The following SLC37A1 variants were observed in gnomAD, a reference collection of about 807,000 sequenced individuals.
SLC37A1 encodes glucose-6-phosphate exchanger SLC37A1.
In SLC37A1, 49 loss-of-function variants were observed where a neutral mutation model predicts 75.3. The ratio of observed to expected loss-of-function variants is 0.65; its 90% CI spans 0.52 to 0.83. The LOEUF is 0.83. SLC37A1 is among the 40% of genes least tolerant of loss of function. The probability of loss-of-function intolerance (pLI) is 0.00; values close to 1 mark genes in which losing one functional copy is unlikely to be tolerated. For missense variants in SLC37A1, 566 were observed against 695.0 expected, an observed-to-expected ratio of 0.81 and a Z score of 2.09; for synonymous variants, 268 against 292.1, an observed-to-expected ratio of 0.92 and a Z score of 0.84.
upstream of SLC37A1, among the ~76,000 whole-genome samples, chr21:42,510,613 G>A (rs566899417): frequency 1.5e-4 from 23 of 152,124 alleles, 1 homozygote; most frequent in South Asian, 4.8e-3. Flanking sequence ...TCTAGGTGCT[G>A]CCTGCAGGAG....
rs11444113 is a variant in SLC37A1 at position 42,503,248 on chromosome 21, CT to C, written c.-179+850del. ...GGTATTACTTAAGGAAATTATACTC[CT>C]TTTTTTTTTTTTTTTTTTGAGACAA... is the stretch of plus-strand genomic sequence containing the variant. On this transcript the variant is annotated intron_variant, in intron 2 of 20. Transcript: ENST00000398341. Among the ~76,000 whole-genome samples the C allele has an allele frequency of 2.1e-3, 261 of 125,720 alleles. No individual in the cohort carries two copies. In the South Asian group the frequency reaches 0.021, roughly 10 times the overall value. The allele number at this position is 125,720 out of a possible 152,430, so 82.5% of individuals were successfully genotyped here. A position where few individuals can be genotyped will look rare whatever the true frequency, so the allele number is the denominator to read the frequency against.
chr21:42,513,880 G>A lies in SLC37A1; in HGVS notation c.-1016G>A, dbSNP rs1348281620. On this transcript the variant is annotated 5_prime_UTR_variant, in exon 1 of 20. Transcript: ENST00000352133. ...GTCGCGAGCAGGAAGCGCCCGCGGCGGCCGGGCCGGGCTGGGCTGCGGAGC... is the reference window on the plus strand; with the variant it reads ...GTCGCGAGCAGGAAGCGCCCGCGGCAGCCGGGCCGGGCTGGGCTGCGGAGC... 6.8e-6 allele frequency: 1 copy of A among 146,666 alleles called. No homozygotes were observed. Among genetic ancestry groups the A allele is most frequent in the Non-Finnish European group, 1.5e-5 (1 of 65,758 alleles). The allele number at this position is 146,666 out of a possible 1,614,324, so 9.1% of individuals were successfully genotyped here. A position where few individuals can be genotyped will look rare whatever the true frequency, so the allele number is the denominator to read the frequency against.
intron 2 of SLC37A1, among the ~76,000 whole-genome samples, chr21:42,507,354 T>C (rs890036969): frequency 1.1e-4 from 17 of 152,084 alleles, no homozygotes; most frequent in Admixed American, 2.6e-4. Context: ...CCACAGTGAG[T>C]GCTGAGGTCT....
intron 18 of SLC37A1, among the ~76,000 whole-genome samples, chr21:42,577,912 G>T (rs2056341237): frequency 6.6e-6 from 1 of 152,244 alleles, no homozygotes; most frequent in East Asian, 1.9e-4. Flanking sequence ...TGCGTTGGAA[G>T]AAAGAGACCT....
rs569301735 is a variant in SLC37A1 at position 42,517,013 on chromosome 21, C to T, written c.-178-1264C>T. Among the ~76,000 whole-genome samples, 81 of 152,296 alleles carry T rather than the reference C, an allele frequency of 5.3e-4. 1 individual carries two copies. Among genetic ancestry groups the T allele is most frequent in the African/African-American group, 1.7e-3 (72 of 41,556 alleles). Reference sequence around the variant, plus strand: ...GAAGTATTTGTGGCTGTTCATTCAACGTGAGTTTCTTGAGCACGTGGTCTG... The same window carrying T: ...GAAGTATTTGTGGCTGTTCATTCAATGTGAGTTTCTTGAGCACGTGGTCTG... On this transcript the variant is annotated intron_variant, in intron 1 of 19. Coordinates refer to ENST00000352133, the MANE Select transcript of SLC37A1 (RefSeq NM_001320537.2).
At chr21:42,566,108 G>T (rs1321969906) in intron 15 of SLC37A1, among the ~76,000 whole-genome samples, 1 of 152,220 alleles carries the variant, frequency 6.6e-6, no homozygotes, top group East Asian at 1.9e-4. Context: ...CTGGAAGTGT[G>T]CAAGCCTGGT....
intron 10 of SLC37A1, among the ~76,000 whole-genome samples, chr21:42,556,339 C>T (rs542535613): frequency 1.0e-3 from 156 of 152,302 alleles, no homozygotes; most frequent in African/African-American, 3.5e-3. Context: ...GGCGTGAGCA[C>T]GGAGTGGGTA....
intron 18 of SLC37A1, among the ~76,000 whole-genome samples, chr21:42,578,311 C>A (rs1011466828): frequency 5.3e-5 from 8 of 152,236 alleles, no homozygotes; most frequent in Non-Finnish European, 1.2e-4. Context: ...GTCATTCTTG[C>A]ATGCGTGAGC....
At chr21:42,542,325 C>G in intron 6 of SLC37A1, 79 bp from the exon 7 acceptor site, 1 of 1,293,288 alleles carries the variant, frequency 7.7e-7, no homozygotes, top group South Asian at 1.3e-5. Context: ...GTAAGTGGAG[C>G]AAGCTCTGTG....
rs71190427 is a variant in SLC37A1 at position 42,530,595 on chromosome 21, TACACACACACAC to T, written c.139-4054_139-4043del. 4.2e-3 allele frequency among the ~76,000 whole-genome samples: 435 copies of T among 103,220 alleles called. 4 individuals carry two copies. The highest frequency in any genetic ancestry group is 9.0e-3 in the East Asian group (31 of 3,436). The allele number at this position is 103,220 out of a possible 152,430, so 67.7% of individuals were successfully genotyped here. On this transcript the variant is annotated intron_variant, in intron 3 of 19. Transcript: ENST00000352133. ...TAGACAGATCGTCAAATGCAGATGATACACACACACACACACACACACACACACACACACACA... is the reference window on the plus strand; with the variant it reads ...TAGACAGATCGTCAAATGCAGATGATACACACACACACACACACACACACA...
intron 7 of SLC37A1, 118 bp downstream of exon 7, chr21:42,542,598 C>G: frequency 1.1e-5 from 11 of 960,848 alleles, no homozygotes; most frequent in Non-Finnish European, 1.7e-5. Context: ...AATAAGATGG[C>G]TGAAACCTCT....
At chr21:42,538,716 T>C (rs914532209) in intron 5 of SLC37A1, among the ~76,000 whole-genome samples, 5 of 152,248 alleles carry the variant, frequency 3.3e-5, no homozygotes, top group Non-Finnish European at 7.3e-5. Context: ...GGTATTGTGC[T>C]GTGATGGCGG....
chr21:42,533,617 C>T (rs1312969838), intron 3 of SLC37A1, among the ~76,000 whole-genome samples: 2 of 151,142 alleles, frequency 1.3e-5, no homozygotes, highest in Admixed American at 6.6e-5. Context: ...TGCCTCCCAA[C>T]AAGAAGCACC....
chr21:42,567,028 A>G lies in SLC37A1; in HGVS notation c.1314A>G (p.Thr438=), dbSNP rs2147008966. The change falls in exon 16 of 20, where the codon ACA becomes ACG. Residue 438 remains threonine, a synonymous_variant. Coordinates refer to ENST00000352133, the MANE Select transcript of SLC37A1 (RefSeq NM_001320537.2). The part of the protein sequence containing the change: ...LSGALVSGPY[T]LITTAVSADL... ...GAGCCCTGGTCAGTGGGCCCTACAC[A>G]CTCATCACCACCGCCGTCTCCGCCG... The G allele has an allele frequency of 6.2e-7, 1 of 1,608,594 alleles. No homozygotes were observed.
intron 11 of SLC37A1, 104 bp downstream of exon 11, chr21:42,559,193 G>A: frequency 2.1e-6 from 3 of 1,425,700 alleles, no homozygotes; most frequent in Non-Finnish European, 2.8e-6. Context: ...TGTGGTTGTA[G>A]AACCCGGGGA....
At chr21:42,569,493 G>A (rs1358828437) in intron 17 of SLC37A1, among the ~76,000 whole-genome samples, 1 of 13,644 alleles carries the variant, frequency 7.3e-5, no homozygotes, top group East Asian at 5.8e-4. Context: ...ACCTCGTGCC[G>A]CACTCCCTCG....
intron 9 of SLC37A1, among the ~76,000 whole-genome samples, chr21:42,549,958 G>A (rs1294050212): frequency 6.6e-6 from 1 of 152,156 alleles, no homozygotes; most frequent in Non-Finnish European, 1.5e-5. Flanking sequence ...TGGCCAATCT[G>A]ACTCTATCAA....
intron 5 of SLC37A1, among the ~76,000 whole-genome samples, 167 bp from the exon 6 acceptor site, chr21:42,539,345 G>A (rs1030437036): frequency 4.6e-5 from 7 of 152,298 alleles, no homozygotes; most frequent in Admixed American, 1.3e-4. Flanking sequence ...GTGAGTAAGC[G>A]CTCCATAGGG....
chr21:42,540,486 AGTTGGGCAGCAGGAGGGG>A lies in SLC37A1; in HGVS notation c.486+842_486+859del, dbSNP rs540091850. ...GGGCGGAAGGAAGGGCCGACTTTGG[AGTTGGGCAGCAGGAGGGG>A]GTGTGAGGCAGTCAGTGGAGAGAAC... On this transcript the variant is annotated intron_variant, in intron 6 of 19. Transcript: ENST00000352133. Among the ~76,000 whole-genome samples the A allele has an allele frequency of 1.8e-3, 270 of 152,260 alleles. 1 individual carries two copies. Among genetic ancestry groups the A allele is most frequent in the African/African-American group, 5.9e-3 (246 of 41,552 alleles).
Sources: gnomAD v4.1 joint callset for allele counts (sites outside exome capture counted in the v4.1 genomes callset) on GRCh38, gnomAD v4.1.1 for gene constraint, MANE v1.5 for transcripts, NCBI Gene and HGNC (gene_info 2026-07-23, HGNC 2026-07-21) for gene names.